Variants in METAP1D observed in about 807,000 individuals in gnomAD.
The protein encoded by METAP1D is methionyl aminopeptidase type 1D, mitochondrial, also known as methionine aminopeptidase 1D, mitochondrial.
METAP1D carries 31 observed loss-of-function variants against 40.5 expected under a neutral mutation model. The ratio of observed to expected loss-of-function variants is 0.77; its 90% CI spans 0.58 to 1.03. The LOEUF (loss-of-function observed/expected upper bound fraction) is 1.03. METAP1D is among the 50% of genes least tolerant of loss of function. METAP1D has a pLI of 0.00. For missense variants in METAP1D, 411 were observed against 420.7 expected, an observed-to-expected ratio of 0.98 and a Z score of 0.20; for synonymous variants, 151 against 146.4, an observed-to-expected ratio of 1.03 and a Z score of -0.22.
intron 1 of METAP1D, among the ~76,000 whole-genome samples, chr2:172,007,641 T>A (rs972776082): frequency 6.6e-6 from 1 of 152,188 alleles, no homozygotes; most frequent in Non-Finnish European, 1.5e-5. Context: ...TCTAATTGGT[T>A]AAGACAGGTG....
At chr2:172,075,829 G>A (rs985639901) in intron 6 of METAP1D, among the ~76,000 whole-genome samples, 10 of 152,176 alleles carry the variant, frequency 6.6e-5, no homozygotes, top group South Asian at 2.1e-4. Context: ...CTCAAGCAGG[G>A]AACTGGGGGA....
intron 1 of METAP1D, among the ~76,000 whole-genome samples, chr2:172,023,489 G>T (rs1370868751): frequency 6.6e-6 from 1 of 152,168 alleles, no homozygotes; most frequent in African/African-American, 2.4e-5. Flanking sequence ...GCAAAGATTT[G>T]CTTGGAAGGG....
At chr2:172,045,597 G>T (rs546152665) in intron 1 of METAP1D, among the ~76,000 whole-genome samples, 7 of 148,534 alleles carry the variant, frequency 4.7e-5, no homozygotes, top group African/African-American at 1.7e-4. Flanking sequence ...GGAGGTGGAG[G>T]TTGCGGTGAG....
intron 1 of METAP1D, among the ~76,000 whole-genome samples, chr2:172,055,655 T>C (rs1286806698): frequency 2.0e-5 from 3 of 152,238 alleles, no homozygotes; most frequent in Non-Finnish European, 2.9e-5. Context: ...TTGTAATGAG[T>C]AGTTAGTGGA....
chr2:172,065,667 T>C lies in METAP1D; in HGVS notation c.412T>C (p.Tyr138His). ...TCGGGAAATCATCAGTCATAATGCCTATCCCTCACCTCTAGGCTATGGAGG... is the reference window on the plus strand; with the variant it reads ...TCGGGAAATCATCAGTCATAATGCCCATCCCTCACCTCTAGGCTATGGAGG... Reference protein sequence around the residue: ...VHREIISHNAYPSPLGYGGFP... With the variant: ...VHREIISHNAHPSPLGYGGFP... The change falls in exon 4 of 10, where the codon TAT (tyrosine) becomes CAT (histidine). Residue 138 changes from tyrosine (Y) to histidine (H), a missense_variant. Transcript: ENST00000315796. The C allele has an allele frequency of 6.2e-7, 1 of 1,614,074 alleles. No individual in the cohort carries two copies. Among genetic ancestry groups the C allele is most frequent in the Non-Finnish European group, 8.5e-7 (1 of 1,179,948 alleles).
intron 1 of METAP1D, among the ~76,000 whole-genome samples, chr2:172,008,014 G>T (rs1003545002): frequency 6.9e-6 from 1 of 144,668 alleles, no homozygotes; most frequent in Admixed American, 7.0e-5. Context: ...TAATCTATAA[G>T]TTTACTTTCC....
intron 1 of METAP1D, among the ~76,000 whole-genome samples, chr2:172,040,840 G>A (rs556343636): frequency 5.0e-5 from 7 of 138,784 alleles, no homozygotes; most frequent in Admixed American, 3.2e-4. Flanking sequence ...TCTGCCTCCC[G>A]GGTTCAAGCA....
intron 1 of METAP1D, among the ~76,000 whole-genome samples, chr2:172,005,298 T>A (rs1159952812): frequency 6.6e-6 from 1 of 151,904 alleles, no homozygotes; most frequent in Non-Finnish European, 1.5e-5. Context: ...ATGTTTTCTT[T>A]TATCCTTCAC....
intron 1 of METAP1D, among the ~76,000 whole-genome samples, chr2:172,051,683 CCCAGAAGCGCTCTGTGACTGACTTT>C (rs2105459325): frequency 6.6e-6 from 1 of 152,258 alleles, no homozygotes; most frequent in East Asian, 1.9e-4. Context: ...CCTTCCTCTC[CCCAGAAGCGCTCTGTGACTGACTTT>C]CCAGTTCATC....
chr2:172,024,107 C>T (rs1274819344), intron 1 of METAP1D, among the ~76,000 whole-genome samples: 1 of 152,168 alleles, frequency 6.6e-6, no homozygotes, highest in East Asian at 1.9e-4. Flanking sequence ...GATCCGCTCA[C>T]CTTGGCCTCC....
In METAP1D at chr2:172,064,791, G is replaced by C. The variant is rs190777568; in HGVS notation, c.349-813G>C. Among the ~76,000 whole-genome samples, 249 of 152,160 alleles carry C rather than the reference G, an allele frequency of 1.6e-3. 2 individuals are homozygous for C. The highest frequency in any genetic ancestry group is 3.0e-3 in the Non-Finnish European group (204 of 68,002). On this transcript the variant is annotated intron_variant, in intron 3 of 9. Transcript: ENST00000315796. ...TAAAATCACTCACAGTATCTTCTGTGTAATAAACTTACAACACGGCTAAAC... is the reference window on the plus strand; with the variant it reads ...TAAAATCACTCACAGTATCTTCTGTCTAATAAACTTACAACACGGCTAAAC...
chr2:172,027,534 A>G (rs1299595157), intron 1 of METAP1D, among the ~76,000 whole-genome samples: 1 of 152,228 alleles, frequency 6.6e-6, no homozygotes, highest in African/African-American at 2.4e-5. Flanking sequence ...ACAATCACAG[A>G]TCACCTAATG....
At chr2:172,040,050 C>G (rs187337923) in intron 1 of METAP1D, among the ~76,000 whole-genome samples, 2 of 151,108 alleles carry the variant, frequency 1.3e-5, no homozygotes, top group South Asian at 2.1e-4. Flanking sequence ...AACTGCCTGC[C>G]GGGTTCAAGC....
Position 172,054,521 on chromosome 2 carries a change from A to AAAATAAATAAATAAATAAAT in METAP1D, c.41-6969_41-6950dup, listed in dbSNP as rs56060951. Among the ~76,000 whole-genome samples, 190 of 149,338 alleles carry AAAATAAATAAATAAATAAAT rather than the reference A, an allele frequency of 1.3e-3. 1 individual carries two copies. Among genetic ancestry groups the AAAATAAATAAATAAATAAAT allele is most frequent in the Admixed American group, 2.9e-3 (44 of 14,964 alleles). ...TGACAGAGCAAGAAGACTCTGTCTC[A>AAAATAAATAAATAAATAAAT]AAATAAATAAATAAATAAATAAATA... On this transcript the variant is annotated intron_variant, in intron 1 of 9. Coordinates refer to ENST00000315796, the MANE Select transcript of METAP1D (RefSeq NM_199227.3).
Position 172,077,738 on chromosome 2 carries a change from C to A in METAP1D, c.705-59C>A, listed in dbSNP as rs866403736. 27 of 769,660 alleles carry A rather than the reference C, an allele frequency of 3.5e-5. No individual in the cohort carries two copies. In the Middle Eastern group the frequency reaches 4.5e-3, roughly 128 times the overall value. 47.7% of individuals were successfully genotyped at this position (769,660 alleles called of 1,614,324 possible). ...ATATTTTAAAGTGACTTTGTTTTAT[C>A]TTAGTATGCCTGAAAAACTTATCTA... On this transcript the variant is annotated intron_variant, in intron 6 of 9. Transcript: ENST00000315796.
At chr2:172,017,786 G>A (rs1030859326) in intron 1 of METAP1D, among the ~76,000 whole-genome samples, 1 of 152,084 alleles carries the variant, frequency 6.6e-6, no homozygotes. Flanking sequence ...TTGTCACTAG[G>A]TAAAGGAAAA....
chr2:172,066,625 C>T (rs1328974203), intron 5 of METAP1D, among the ~76,000 whole-genome samples: 2 of 152,202 alleles, frequency 1.3e-5, no homozygotes, highest in African/African-American at 4.8e-5. Context: ...TAACGCAGAG[C>T]ACCACAGCAC....
chr2:172,070,062 G>A (rs1184127863), intron 5 of METAP1D, among the ~76,000 whole-genome samples: 2 of 152,072 alleles, frequency 1.3e-5, no homozygotes, highest in East Asian at 1.9e-4. Context: ...CAAATTCCAT[G>A]CTACATCAAA....
At chr2:172,018,044 T>C (rs1688918221) in intron 1 of METAP1D, among the ~76,000 whole-genome samples, 1 of 149,140 alleles carries the variant, frequency 6.7e-6, no homozygotes, top group Non-Finnish European at 1.5e-5. Flanking sequence ...GGAGAATCGC[T>C]TGAACCTGGG....
Sources: gnomAD v4.1 joint callset for allele counts (sites outside exome capture counted in the v4.1 genomes callset) on GRCh38, gnomAD v4.1.1 for gene constraint, MANE v1.5 for transcripts, NCBI Gene and HGNC (gene_info 2026-07-23, HGNC 2026-07-21) for gene names.